Variants in NRG1 observed in about 807,000 individuals in gnomAD.
The protein encoded by NRG1 is pro-neuregulin-1, membrane-bound isoform.
A neutral mutation model predicts 63.8 loss-of-function variants in NRG1; 18 were observed. That is an observed-to-expected ratio of 0.28 (90% CI 0.19 to 0.42). The LOEUF (loss-of-function observed/expected upper bound fraction) is 0.42. NRG1 is among the 10% of genes least tolerant of loss of function. NRG1 has a pLI of 1.00. For missense variants in NRG1, 762 were observed against 814.7 expected, an observed-to-expected ratio of 0.94 and a Z score of 0.79; for synonymous variants, 302 against 301.3, an observed-to-expected ratio of 1.00 and a Z score of -0.02.
chr8:32,087,677 G>C lies in NRG1; in HGVS notation c.37+448246G>C, dbSNP rs185222397. Among the ~76,000 whole-genome samples the C allele has an allele frequency of 3.1e-3, 467 of 151,946 alleles. 1 individual carries two copies. The highest frequency in any genetic ancestry group is 0.011 in the African/African-American group (447 of 41,458). ...GTAGAGACAGGGTTTCACCATATTAGCCAGGCTGCTCTTGAACTTCTGACC... is the reference window on the plus strand; with the variant it reads ...GTAGAGACAGGGTTTCACCATATTACCCAGGCTGCTCTTGAACTTCTGACC... On this transcript the variant is annotated intron_variant, in intron 1 of 10. Coordinates refer to the NRG1 transcript ENST00000519301.
chr8:31,682,769 G>A (rs187345929), intron 1 of NRG1, among the ~76,000 whole-genome samples: 5 of 152,202 alleles, frequency 3.3e-5, no homozygotes, highest in African/African-American at 1.2e-4. Context: ...ATAAAAAAAT[G>A]CAGTCGAATA....
chr8:32,523,652 C>A (rs1336574063), intron 1 of NRG1, among the ~76,000 whole-genome samples: 5 of 151,866 alleles, frequency 3.3e-5, no homozygotes, highest in Admixed American at 2.6e-4. Flanking sequence ...GAGTTCAAGA[C>A]CAGCCTGACC....
chr8:32,156,768 C>T (rs538989116), intron 1 of NRG1, among the ~76,000 whole-genome samples: 1 of 152,252 alleles, frequency 6.6e-6, no homozygotes, highest in East Asian at 1.9e-4. Context: ...GAGACCCAGT[C>T]TCTACAAACA....
chr8:32,484,376 A>G (rs1825675402), intron 1 of NRG1, among the ~76,000 whole-genome samples: 1 of 152,214 alleles, frequency 6.6e-6, no homozygotes, highest in South Asian at 2.1e-4. Context: ...TGATGTGCAC[A>G]AAACATGAGA....
chr8:32,086,216 A>G (rs1037202761), intron 1 of NRG1, among the ~76,000 whole-genome samples: 1 of 152,256 alleles, frequency 6.6e-6, no homozygotes, highest in African/African-American at 2.4e-5. Flanking sequence ...TAGAGTGAAC[A>G]TTTTAAAGTG....
chr8:31,872,756 C>G (rs189156751), intron 1 of NRG1, among the ~76,000 whole-genome samples: 1 of 152,160 alleles, frequency 6.6e-6, no homozygotes, highest in Admixed American at 6.5e-5. Flanking sequence ...TATAGATCAT[C>G]CATTCAAAAC....
intron 1 of NRG1, among the ~76,000 whole-genome samples, chr8:31,849,715 C>A (rs1038246513): frequency 1.3e-5 from 2 of 152,138 alleles, no homozygotes; most frequent in Non-Finnish European, 2.9e-5. Flanking sequence ...TATCACACTT[C>A]CCTGTGCTTT....
intron 2 of NRG1, among the ~76,000 whole-genome samples, chr8:32,597,702 GC>G (rs1450000942): frequency 2.0e-5 from 3 of 152,094 alleles, no homozygotes; most frequent in Admixed American, 6.6e-5. Flanking sequence ...CTCAGTGAGA[GC>G]TGAGTTTATC....
At chr8:31,895,697 G>A (rs1027397091) in intron 1 of NRG1, among the ~76,000 whole-genome samples, 1 of 152,082 alleles carries the variant, frequency 6.6e-6, no homozygotes, top group Non-Finnish European at 1.5e-5. Flanking sequence ...GTGGGCCAGA[G>A]GCAGCAAGAT....
chr8:31,703,206 A>G (rs1387084121), intron 1 of NRG1, among the ~76,000 whole-genome samples: 1 of 151,552 alleles, frequency 6.6e-6, no homozygotes, highest in African/African-American at 2.4e-5. Context: ...CAGAATACAC[A>G]TAAAGTGTCT....
At chr8:32,772,830 C>T (rs1831897420), downstream of NRG1, among the ~76,000 whole-genome samples, 1 of 152,136 alleles carries the variant, frequency 6.6e-6, no homozygotes, top group Admixed American at 6.6e-5. Flanking sequence ...AGAGAAAATG[C>T]TGTGCATGAC....
intron 1 of NRG1, among the ~76,000 whole-genome samples, chr8:32,448,259 T>C (rs1820517323): frequency 6.6e-6 from 1 of 152,212 alleles, no homozygotes; most frequent in Non-Finnish European, 1.5e-5. Context: ...GAAAACAGCA[T>C]AAACCACCAA....
In NRG1 at chr8:31,858,848, G is replaced by A. The variant is rs77874764; in HGVS notation, c.37+219417G>A. Among the ~76,000 whole-genome samples, 897 of 152,244 alleles carry A rather than the reference G, an allele frequency of 5.9e-3. 12 individuals carry two copies. Among genetic ancestry groups the A allele is most frequent in the African/African-American group, 0.019 (805 of 41,550 alleles). ...TCAGAAGTTGAATGCATTGGGTTACGAAGTTTTGCCTCATTTGCCATATTC... is the reference window on the plus strand; with the variant it reads ...TCAGAAGTTGAATGCATTGGGTTACAAAGTTTTGCCTCATTTGCCATATTC... On this transcript the variant is annotated intron_variant, in intron 1 of 10. Coordinates refer to the NRG1 transcript ENST00000519301.
intron 1 of NRG1, among the ~76,000 whole-genome samples, chr8:31,651,752 C>T (rs1353881510): frequency 6.6e-6 from 1 of 151,882 alleles, no homozygotes; most frequent in Non-Finnish European, 1.5e-5. Context: ...GGCATTGGGG[C>T]AGGATGGGCA....
intron 1 of NRG1, among the ~76,000 whole-genome samples, chr8:32,569,194 C>T (rs1023095682): frequency 5.9e-5 from 9 of 152,090 alleles, no homozygotes; most frequent in East Asian, 1.9e-4. Context: ...AGATTACAGG[C>T]GCACACCACC....
chr8:31,804,832 A>G (rs1822119725), intron 1 of NRG1, among the ~76,000 whole-genome samples: 1 of 152,296 alleles, frequency 6.6e-6, no homozygotes, highest in East Asian at 1.9e-4. Flanking sequence ...TCATAGCAAC[A>G]CCTTGATTAG....
chr8:31,734,992 CGTCATG>C (rs898275575), intron 1 of NRG1, among the ~76,000 whole-genome samples: 1 of 152,086 alleles, frequency 6.6e-6, no homozygotes, highest in African/African-American at 2.4e-5. Flanking sequence ...CCTATGTGTG[CGTCATG>C]GACACCTGGA....
chr8:32,409,888 A>T lies in NRG1; in HGVS notation c.38-185940A>T, dbSNP rs565080976. On this transcript the variant is annotated intron_variant, in intron 1 of 10. Transcript: ENST00000519301. ...ATGGAGATGCTCCGCAACCTTGCTG[A>T]TGGATTTCTCCCAGCGAGAGAATCT... is the stretch of plus-strand genomic sequence containing the variant. 5.5e-4 allele frequency among the ~76,000 whole-genome samples: 83 copies of T among 152,274 alleles called. 1 individual carries two copies. The highest frequency in any genetic ancestry group is 3.4e-3 in the Middle Eastern group (1 of 294).
intron 1 of NRG1, among the ~76,000 whole-genome samples, chr8:31,830,241 T>A (rs574053819): frequency 6.6e-6 from 1 of 152,274 alleles, no homozygotes; most frequent in Admixed American, 6.5e-5. Context: ...AGAAAAAGAT[T>A]GCTTGGCATG....
Sources: gnomAD v4.1 joint callset for allele counts (sites outside exome capture counted in the v4.1 genomes callset) on GRCh38, gnomAD v4.1.1 for gene constraint, MANE v1.5 for transcripts, NCBI Gene and HGNC (gene_info 2026-07-23, HGNC 2026-07-21) for gene names.